CACNB4: variants seen among roughly 807,000 people sequenced by gnomAD.
CACNB4 encodes the protein calcium voltage-gated channel auxiliary subunit beta 4, also known as voltage-dependent L-type calcium channel subunit beta-4.
In CACNB4, 32 loss-of-function variants were observed where a neutral mutation model predicts 71.2. The ratio of observed to expected loss-of-function variants is 0.45; its 90% CI spans 0.34 to 0.60. CACNB4 has a LOEUF of 0.60. Ranked by LOEUF, CACNB4 falls within the 20% of genes least tolerant of loss-of-function variation. The pLI, the probability that CACNB4 is intolerant of heterozygous loss-of-function variation, is 0.01. For synonymous variants in CACNB4, 231 were observed against 236.9 expected (o/e 0.97, Z 0.23); for missense variants, 464 against 647.9 (o/e 0.72, Z 3.08).
intron 2 of CACNB4, among the ~76,000 whole-genome samples, chr2:152,046,459 T>C (rs1333662137): frequency 6.6e-6 from 1 of 152,230 alleles, no homozygotes; most frequent in Non-Finnish European, 1.5e-5. Flanking sequence ...CAGCTATGGC[T>C]GGTTTCAACT....
chr2:152,057,625 TCC>T (rs1249476316), intron 2 of CACNB4, among the ~76,000 whole-genome samples: 1 of 152,084 alleles, frequency 6.6e-6, no homozygotes, highest in East Asian at 1.9e-4. Flanking sequence ...TCCCTCTCAC[TCC>T]CCTTCTATTC....
intron 2 of CACNB4, among the ~76,000 whole-genome samples, chr2:151,926,349 C>T (rs1010488134): frequency 6.6e-6 from 1 of 152,060 alleles, no homozygotes; most frequent in Non-Finnish European, 1.5e-5. Flanking sequence ...AAATCATGGG[C>T]CACAGCAATA....
At chr2:151,922,568 T>G (rs1397231173) in intron 2 of CACNB4, among the ~76,000 whole-genome samples, 1 of 152,220 alleles carries the variant, frequency 6.6e-6, no homozygotes, top group Non-Finnish European at 1.5e-5. Flanking sequence ...GGGATTAGTA[T>G]GTGGACATCT....
At chr2:151,916,292 CT>C (rs1395476172) in intron 2 of CACNB4, among the ~76,000 whole-genome samples, 2 of 151,908 alleles carry the variant, frequency 1.3e-5, no homozygotes, top group Non-Finnish European at 2.9e-5. Flanking sequence ...AAATTAGAGA[CT>C]TATGGTCCTC....
intron 2 of CACNB4, among the ~76,000 whole-genome samples, chr2:151,975,822 T>C (rs2099873684): frequency 6.6e-6 from 1 of 152,224 alleles, no homozygotes; most frequent in Non-Finnish European, 1.5e-5. Context: ...CTCCAGATCA[T>C]TTCCCGACTT....
At chr2:151,917,190 T>C (rs2099857744) in intron 2 of CACNB4, among the ~76,000 whole-genome samples, 1 of 152,168 alleles carries the variant, frequency 6.6e-6, no homozygotes. Flanking sequence ...TGAGTTTGGG[T>C]CATATGCCCC....
intron 2 of CACNB4, chr2:151,967,224 T>G (rs1467341374): frequency 6.6e-6 from 1 of 151,992 alleles, no homozygotes; most frequent in Non-Finnish European, 1.5e-5. Flanking sequence ...ATTTTTTTTA[T>G]TTTTATTTTT....
At chr2:152,080,284 G>C (rs1341411039) in intron 2 of CACNB4, among the ~76,000 whole-genome samples, 2 of 151,918 alleles carry the variant, frequency 1.3e-5, no homozygotes, top group Non-Finnish European at 2.9e-5. Context: ...ACCACACCCG[G>C]CTAATTTTTT....
chr2:152,057,072 C>T (rs1181696941), intron 2 of CACNB4, among the ~76,000 whole-genome samples: 1 of 152,104 alleles, frequency 6.6e-6, no homozygotes, highest in African/African-American at 2.4e-5. Context: ...CTAATCAATA[C>T]AAAAGATAGT....
intron 2 of CACNB4, among the ~76,000 whole-genome samples, chr2:152,038,835 G>C (rs1684730872): frequency 6.6e-6 from 1 of 152,108 alleles, no homozygotes; most frequent in South Asian, 2.1e-4. Flanking sequence ...CCACCTCCCA[G>C]CCCAGGACAC....
intron 2 of CACNB4, among the ~76,000 whole-genome samples, chr2:152,078,165 G>C (rs1687146337): frequency 6.6e-6 from 1 of 152,148 alleles, no homozygotes; most frequent in African/African-American, 2.4e-5. Flanking sequence ...CTTCTGCGAG[G>C]AACAATATTC....
intron 2 of CACNB4, among the ~76,000 whole-genome samples, chr2:152,047,549 T>C (rs544538917): frequency 6.6e-6 from 1 of 152,358 alleles, no homozygotes; most frequent in African/African-American, 2.4e-5. Context: ...TTTACGATTA[T>C]GCTTGTAACT....
chr2:152,008,237 T>C (rs1279387944), intron 2 of CACNB4, among the ~76,000 whole-genome samples: 1 of 152,154 alleles, frequency 6.6e-6, no homozygotes, highest in East Asian at 1.9e-4. Flanking sequence ...CTACTGTCTA[T>C]TGTCTTCATC....
At chr2:151,911,048 T>G (rs1578754046) in intron 2 of CACNB4, among the ~76,000 whole-genome samples, 1 of 152,338 alleles carries the variant, frequency 6.6e-6, no homozygotes, top group South Asian at 2.1e-4. Flanking sequence ...GGTAGGTATT[T>G]TATTCTCTTT....
intron 10 of CACNB4, chr2:151,858,036 A>G (rs2099840723): frequency 6.6e-6 from 1 of 152,254 alleles, no homozygotes; most frequent in Non-Finnish European, 1.5e-5. Context: ...AATATATTTT[A>G]TCTGTGAGGC....
intron 2 of CACNB4, among the ~76,000 whole-genome samples, chr2:152,094,872 A>G (rs529052481): frequency 3.8e-4 from 58 of 152,212 alleles, no homozygotes; most frequent in Non-Finnish European, 6.5e-4. Flanking sequence ...CTATGGCCTC[A>G]TTTGGAAAGC....
At chr2:151,994,009 A>G (rs983809656) in intron 2 of CACNB4, among the ~76,000 whole-genome samples, 1 of 149,080 alleles carries the variant, frequency 6.7e-6, no homozygotes, top group Non-Finnish European at 1.5e-5. Context: ...CTATCTCTAC[A>G]AAAAATTTAA....
intron 2 of CACNB4, among the ~76,000 whole-genome samples, chr2:152,021,209 T>C (rs552123997): frequency 2.6e-5 from 4 of 152,326 alleles, no homozygotes; most frequent in East Asian, 3.9e-4. Flanking sequence ...ATTGCATCAC[T>C]GCGCTCCAGC....
At position 151,882,165 on chromosome 2, in the gene CACNB4, C is replaced by T. The variant is rs532741601; in HGVS notation, c.267+1086G>A. 1.0e-4 allele frequency among the ~76,000 whole-genome samples: 14 copies of T among 134,058 alleles called. 1 individual carries two copies. The South Asian group carries it at 3.4e-3, about 32-fold the overall frequency. 87.9% of individuals were successfully genotyped at this position (134,058 alleles called of 152,430 possible). A position where few individuals can be genotyped will look rare whatever the true frequency, so the allele number is the denominator to read the frequency against. On this transcript the variant is annotated intron_variant, in intron 3 of 13. Coordinates refer to ENST00000539935, the MANE Select transcript of CACNB4 (RefSeq NM_000726.5). ...AAGTGCTGGGATTACAGGCGTAAGC[C>T]ACTGCACCGGCCCCTCTTTTTTTTT...
Sources: allele counts gnomAD v4.1 joint callset (sites outside exome capture counted in the v4.1 genomes callset), GRCh38; gene constraint gnomAD v4.1.1; transcripts MANE v1.5; gene names NCBI Gene and HGNC (gene_info 2026-07-23, HGNC 2026-07-21).